Variants in GRIN2A observed in about 807,000 individuals in gnomAD.
GRIN2A encodes the protein glutamate ionotropic receptor NMDA type subunit 2A.
Under a neutral mutation model 113.4 loss-of-function variants are expected in GRIN2A, and 22 were observed. The observed-to-expected ratio is 0.19, with a 90% CI of 0.14 to 0.28. GRIN2A has a LOEUF of 0.28. Among genes scored for constraint, GRIN2A ranks in the 10% least tolerant of loss-of-function variants. The probability of loss-of-function intolerance (pLI) is 1.00; values close to 1 mark genes in which losing one functional copy is unlikely to be tolerated. For missense variants in GRIN2A, 1,502 were observed against 1,887.0 expected, an observed-to-expected ratio of 0.80 and a Z score of 3.78; for synonymous variants, 827 against 738.4, an observed-to-expected ratio of 1.12 and a Z score of -1.94.
At chr16:9,781,941 T>A (rs892118431) in intron 11 of GRIN2A, among the ~76,000 whole-genome samples, 13 of 152,204 alleles carry the variant, frequency 8.5e-5, no homozygotes, top group Admixed American at 2.6e-4. Context: ...TATAGTTACA[T>A]AAGAATGCTT....
intron 3 of GRIN2A, among the ~76,000 whole-genome samples, chr16:9,899,009 A>G (rs984634717): frequency 7.9e-5 from 12 of 151,950 alleles, no homozygotes; most frequent in East Asian, 3.9e-4. Flanking sequence ...TCCTCTGAAT[A>G]TCCTTGCGCT....
In GRIN2A at chr16:10,043,964, C is replaced by T. The variant is rs889937583; in HGVS notation, c.415-105413G>A. On this transcript the variant is annotated intron_variant, in intron 2 of 12. Transcript: ENST00000330684. Reference sequence around the variant, plus strand: ...ACACACATATATATGTATATATATACACACACACATATATATATACACATA... The same window carrying T: ...ACACACATATATATGTATATATATATACACACACATATATATATACACATA... 7.8e-4 allele frequency among the ~76,000 whole-genome samples: 97 copies of T among 123,824 alleles called. 2 individuals carry two copies. Among genetic ancestry groups the T allele is most frequent in the Non-Finnish European group, 2.0e-4 (11 of 55,934 alleles). 81.2% of individuals were successfully genotyped at this position (123,824 alleles called of 152,430 possible).
chr16:10,056,468 T>C (rs1456060260), intron 2 of GRIN2A, among the ~76,000 whole-genome samples: 3 of 152,194 alleles, frequency 2.0e-5, no homozygotes, highest in Non-Finnish European at 4.4e-5. Context: ...GCTTCATACA[T>C]CCATCTCTTC....
chr16:10,014,515 T>C (rs1228066509), intron 2 of GRIN2A, among the ~76,000 whole-genome samples: 8 of 152,102 alleles, frequency 5.3e-5, no homozygotes, highest in South Asian at 4.1e-4. Context: ...TGAAGATAAA[T>C]AGGTAAACAA....
intron 7 of GRIN2A, among the ~76,000 whole-genome samples, chr16:9,839,528 G>C (rs956554651): frequency 1.3e-5 from 2 of 152,048 alleles, no homozygotes; most frequent in Non-Finnish European, 1.5e-5. Flanking sequence ...ATACTTTTCA[G>C]ACTATTCCTA....
chr16:9,956,799 G>T (rs1211132064), intron 2 of GRIN2A, among the ~76,000 whole-genome samples: 1 of 152,192 alleles, frequency 6.6e-6, no homozygotes, highest in Non-Finnish European at 1.5e-5. Flanking sequence ...GGAGATGCTG[G>T]AGTAGGGGTT....
rs2045970964 is a variant in GRIN2A at position 9,985,873 on chromosome 16, G to T, written c.415-47322C>A. Among the ~76,000 whole-genome samples, 6 of 152,266 alleles carry T rather than the reference G, an allele frequency of 3.9e-5. No individual in the cohort carries two copies. In the South Asian group the frequency reaches 1.2e-3, roughly 32 times the overall value. On this transcript the variant is annotated intron_variant, in intron 2 of 12. Transcript: ENST00000330684. ...ATTGTAACACAAAGAAAGGGTAAAT[G>T]CTTGAGGTGATGGATACCCCATCTA...
intron 2 of GRIN2A, among the ~76,000 whole-genome samples, chr16:10,142,058 T>C (rs1051397645): frequency 6.6e-6 from 1 of 152,206 alleles, no homozygotes; most frequent in African/African-American, 2.4e-5. Flanking sequence ...CAAAGCTTCA[T>C]TGCAAAATTC....
At chr16:9,979,607 G>GT (rs1356596539) in intron 2 of GRIN2A, among the ~76,000 whole-genome samples, 1 of 151,944 alleles carries the variant, frequency 6.6e-6, no homozygotes, top group Non-Finnish European at 1.5e-5. Context: ...TCTGTAATTA[G>GT]TTTTTTCACC....
intron 4 of GRIN2A, among the ~76,000 whole-genome samples, chr16:9,866,214 G>C (rs1437995625): frequency 1.3e-5 from 2 of 152,210 alleles, no homozygotes; most frequent in African/African-American, 4.8e-5. Flanking sequence ...AAAGGTGCAA[G>C]AAATGCAGAG....
At chr16:10,154,007 G>T (rs550194619) in intron 2 of GRIN2A, among the ~76,000 whole-genome samples, 1 of 152,130 alleles carries the variant, frequency 6.6e-6, no homozygotes, top group Non-Finnish European at 1.5e-5. Flanking sequence ...GTCAGAGAGG[G>T]TTCCTGTGCA....
At chr16:10,027,804 C>G (rs756410255) in intron 2 of GRIN2A, 1 of 152,666 alleles carries the variant, frequency 6.6e-6, no homozygotes. Flanking sequence ...GATGCTGCAC[C>G]CACCAACCAA....
At chr16:10,024,663 A>G (rs1407784560) in intron 2 of GRIN2A, among the ~76,000 whole-genome samples, 1 of 152,200 alleles carries the variant, frequency 6.6e-6, no homozygotes, top group Admixed American at 6.5e-5. Flanking sequence ...CATTTTGCAG[A>G]CCCATTCAAG....
At chr16:10,062,652 G>A (rs2047568806) in intron 2 of GRIN2A, among the ~76,000 whole-genome samples, 1 of 152,122 alleles carries the variant, frequency 6.6e-6, no homozygotes, top group East Asian at 1.9e-4. Context: ...ATCACCTGAG[G>A]TCAGGAGTTT....
chr16:10,083,601 G>A (rs2048026571), intron 2 of GRIN2A, among the ~76,000 whole-genome samples: 1 of 152,102 alleles, frequency 6.6e-6, no homozygotes, highest in South Asian at 2.1e-4. Flanking sequence ...TACCAAACAC[G>A]CTCATAGAGC....
chr16:10,020,845 G>A (rs1376282469), intron 2 of GRIN2A, among the ~76,000 whole-genome samples: 1 of 152,024 alleles, frequency 6.6e-6, no homozygotes, highest in Non-Finnish European at 1.5e-5. Context: ...GTTTAGCAGG[G>A]GTCCTACCTG....
intron 2 of GRIN2A, among the ~76,000 whole-genome samples, chr16:10,145,920 T>C (rs1268606515): frequency 6.6e-6 from 1 of 152,190 alleles, no homozygotes; most frequent in African/African-American, 2.4e-5. Context: ...AGGAAGGTGA[T>C]ACAGGAAAGA....
At chr16:10,160,873 G>A (rs974949476) in intron 2 of GRIN2A, among the ~76,000 whole-genome samples, 4 of 152,134 alleles carry the variant, frequency 2.6e-5, no homozygotes, top group African/African-American at 9.7e-5. Flanking sequence ...ACTTTGCTTG[G>A]GAAGAATTTC....
At chr16:10,118,389 C>G (rs12932615) in intron 2 of GRIN2A, among the ~76,000 whole-genome samples, 13,756 of 152,158 alleles carry the variant, frequency 0.09, 649 homozygotes, top group Middle Eastern at 0.11. Context: ...TTTCCCGCCC[C>G]GATACTTGCG....
Sources: allele counts gnomAD v4.1 joint callset (sites outside exome capture counted in the v4.1 genomes callset), GRCh38; gene constraint gnomAD v4.1.1; transcripts MANE v1.5; gene names NCBI Gene and HGNC (gene_info 2026-07-23, HGNC 2026-07-21).